Variants in SLC9A8 observed in about 807,000 individuals in gnomAD.
SLC9A8 encodes sodium/hydrogen exchanger 8.
SLC9A8 carries 48 observed loss-of-function variants against 66.6 expected under a neutral mutation model. That is an observed-to-expected ratio of 0.72 (90% CI 0.57 to 0.92). The LOEUF (loss-of-function observed/expected upper bound fraction) is 0.92, where lower values mean the gene tolerates loss of function less well. SLC9A8 is among the 40% of genes least tolerant of loss of function. The pLI is 0.00. For synonymous variants in SLC9A8, 274 were observed against 282.6 expected (o/e 0.97, Z 0.31); for missense variants, 599 against 747.3 (o/e 0.80, Z 2.31).
At position 49,862,441 on chromosome 20, in the gene SLC9A8, T is replaced by C. The variant is rs62209521; in HGVS notation, c.714-488T>C. 7.5e-3 allele frequency among the ~76,000 whole-genome samples: 1,135 copies of C among 152,194 alleles called. 8 individuals are homozygous for C. Among genetic ancestry groups the C allele is most frequent in the South Asian group, 0.019 (92 of 4,810 alleles). ...CACACCCAGATAGTTTTCGTATTTT[T>C]AGTAGAGACGGGGTTTCACCATGTT... On this transcript the variant is annotated intron_variant, in intron 8 of 15. Coordinates refer to ENST00000361573, the MANE Select transcript of SLC9A8 (RefSeq NM_015266.3).
intron 10 of SLC9A8, 33 bp downstream of exon 10, chr20:49,864,877 G>A: frequency 7.2e-7 from 1 of 1,390,330 alleles, no homozygotes; most frequent in African/African-American, 1.4e-5. Context: ...GTGCTGTGGT[G>A]ATGGCATCTT....
At chr20:49,852,455 A>C (rs1343649237) in intron 7 of SLC9A8, among the ~76,000 whole-genome samples, 1 of 152,244 alleles carries the variant, frequency 6.6e-6, no homozygotes, top group Non-Finnish European at 1.5e-5. Context: ...TGTAGAAAAC[A>C]TAAAAATAAC....
At chr20:49,887,687 C>G in intron 15 of SLC9A8, 142 bp from the exon 16 acceptor site, 1 of 611,414 alleles carries the variant, frequency 1.6e-6, no homozygotes, top group Non-Finnish European at 3.0e-6. Context: ...GTTTGTTCAA[C>G]TGAAACTGAA....
intron 13 of SLC9A8, among the ~76,000 whole-genome samples, chr20:49,881,388 G>A (rs946845675): frequency 2.0e-5 from 3 of 152,190 alleles, no homozygotes; most frequent in Admixed American, 1.3e-4. Context: ...TGGTCTCAAG[G>A]TAGAAAAGGT....
chr20:49,815,611 G>C (rs1165431338), intron 2 of SLC9A8, among the ~76,000 whole-genome samples: 1 of 152,080 alleles, frequency 6.6e-6, no homozygotes, highest in East Asian at 1.9e-4. Context: ...TAGGCGTAGT[G>C]GTGTATGCCT....
chr20:49,855,686 C>A, intron 8 of SLC9A8, 105 bp downstream of exon 8: 1 of 1,086,670 alleles, frequency 9.2e-7, no homozygotes, highest in Non-Finnish European at 1.3e-6. Context: ...GTTGCTTGTC[C>A]TCTGGGTGAT....
rs2089767715 is a variant in SLC9A8 at position 49,884,253 on chromosome 20, ACACAC to A, written c.1491+188_1491+192del. The A allele has an allele frequency of 3.2e-5, 10 of 307,696 alleles. 1 individual carries two copies. In the East Asian group the frequency reaches 5.7e-4, roughly 18 times the overall value. The allele number at this position is 307,696 out of a possible 1,614,324, so 19.1% of individuals were successfully genotyped here. ...ACACACACACACACGACACACACAC[ACACAC>A]GACACACACACACACGACACACACA... is the stretch of plus-strand genomic sequence containing the variant. On this transcript the variant is annotated intron_variant, in intron 14 of 15. Transcript: ENST00000361573.
intron 8 of SLC9A8, among the ~76,000 whole-genome samples, chr20:49,856,984 A>C (rs995878840): frequency 6.6e-6 from 1 of 152,208 alleles, no homozygotes; most frequent in Non-Finnish European, 1.5e-5. Flanking sequence ...GGGAAAAGTA[A>C]ATGCATTTCA....
In SLC9A8 at chr20:49,886,844, G is replaced by A. The variant is rs768197885; in HGVS notation, c.1584G>A (p.Val528=). The part of the protein sequence containing the change: ...YIRRQDLKGF[V]WLDAKYLNPF... ...GGCGGCAGGACCTTAAGGGCTTCGT[G>A]TGGCTGGACGCCAAGTACCTGAACC... The change falls in exon 15 of 16, where the codon GTG becomes GTA. Residue 528 remains valine (V), a synonymous_variant. Transcript: ENST00000361573. The surrounding 1 kb of genome is among the most constrained non-coding windows in gnomAD (Gnocchi z 4.8). 3 of 1,614,220 alleles carry A rather than the reference G, an allele frequency of 1.9e-6. No individual in the cohort carries two copies. The South Asian group carries it at 3.3e-5, about 18-fold the overall frequency.
At chr20:49,880,843 T>C in intron 12 of SLC9A8, 81 bp from the exon 13 acceptor site, 2 of 898,702 alleles carry the variant, frequency 2.2e-6, no homozygotes, top group Non-Finnish European at 1.9e-6. Context: ...TGTTACACAG[T>C]CTGCATTAGC....
Position 49,830,778 on chromosome 20 carries a change from A to C in SLC9A8, c.289+7637A>C. 13 of 850,414 alleles carry C rather than the reference A, an allele frequency of 1.5e-5. 1 individual carries two copies. The highest frequency in any genetic ancestry group is 1.4e-4 in the South Asian group (10 of 73,488). The allele number at this position is 850,414 out of a possible 1,614,324, so 52.7% of individuals were successfully genotyped here. On this transcript the variant is annotated intron_variant, in intron 3 of 15. Transcript: ENST00000361573. Reference sequence around the variant, plus strand: ...AGTCCAAGGGAGCTTCATAGCCATGATCACTGAGGTGCTGACCCTGGCCTA... The same window carrying C: ...AGTCCAAGGGAGCTTCATAGCCATGCTCACTGAGGTGCTGACCCTGGCCTA...
chr20:49,874,618 T>G, intron 10 of SLC9A8, 87 bp from the exon 11 acceptor site: 1 of 862,434 alleles, frequency 1.2e-6, no homozygotes, highest in South Asian at 1.3e-5. Context: ...CCTCTAATGC[T>G]CTAGGCCCCA....
chr20:49,871,414 C>T (rs141059501), intron 10 of SLC9A8, among the ~76,000 whole-genome samples: 3 of 152,334 alleles, frequency 2.0e-5, no homozygotes, highest in East Asian at 1.9e-4. Flanking sequence ...GGAGGCTGAA[C>T]GCTTTTGCTG....
intron 3 of SLC9A8, among the ~76,000 whole-genome samples, chr20:49,826,958 T>G (rs1321013848): frequency 6.6e-6 from 1 of 151,996 alleles, no homozygotes; most frequent in African/African-American, 2.4e-5. Context: ...TATCTTTTTT[T>G]TTTCAGACAG....
chr20:49,847,910 T>G (rs1350521850), intron 5 of SLC9A8, among the ~76,000 whole-genome samples: 9 of 147,176 alleles, frequency 6.1e-5, no homozygotes, highest in Non-Finnish European at 1.0e-4. Flanking sequence ...TTAATCTGTT[T>G]TTTTTTTTTT....
At chr20:49,831,298 TG>T (rs1174519839) in intron 3 of SLC9A8, among the ~76,000 whole-genome samples, 1 of 152,022 alleles carries the variant, frequency 6.6e-6, no homozygotes, top group Non-Finnish European at 1.5e-5. Flanking sequence ...GATTGGCTCA[TG>T]GGAAAGCTCT....
At chr20:49,873,555 G>A (rs1461929363) in intron 10 of SLC9A8, among the ~76,000 whole-genome samples, 1 of 149,654 alleles carries the variant, frequency 6.7e-6, no homozygotes, top group Non-Finnish European at 1.5e-5. Context: ...GCACAATCCT[G>A]AAGTCAGGAG....
intron 10 of SLC9A8, among the ~76,000 whole-genome samples, chr20:49,869,209 A>G (rs2089093952): frequency 6.6e-6 from 1 of 151,782 alleles, no homozygotes; most frequent in Non-Finnish European, 1.5e-5. Flanking sequence ...TCATGAGATA[A>G]CACTTTCTTT....
At chr20:49,830,077 T>C (rs893416903) in intron 3 of SLC9A8, 11 of 728,190 alleles carry the variant, frequency 1.5e-5, no homozygotes, top group Non-Finnish European at 2.6e-5. Context: ...ATGCAGATCC[T>C]CATTTCCATC....
Sources: gnomAD v4.1 joint callset for allele counts (sites outside exome capture counted in the v4.1 genomes callset) on GRCh38, gnomAD v4.1.1 for gene constraint, Gnocchi (gnomAD v3.1) non-coding constraint, MANE v1.5 for transcripts, NCBI Gene and HGNC (gene_info 2026-07-23, HGNC 2026-07-21) for gene names.